Variants in UQCC1 observed in about 807,000 individuals in gnomAD.
The protein encoded by UQCC1 is ubiquinol-cytochrome c reductase complex assembly factor 1.
Under a neutral mutation model 48.0 loss-of-function variants are expected in UQCC1, and 38 were observed. The ratio of observed to expected loss-of-function variants is 0.79; its 90% CI spans 0.61 to 1.04. The LOEUF is 1.04. Ranked by LOEUF, UQCC1 falls within the 50% of genes least tolerant of loss-of-function variation. The pLI is 0.00. For synonymous variants in UQCC1, 111 were observed against 129.2 expected, an observed-to-expected ratio of 0.86 and a Z score of 0.95; for missense variants, 368 against 381.8, an observed-to-expected ratio of 0.96 and a Z score of 0.30.
At chr20:35,374,307 T>A in intron 4 of UQCC1, 51 bp from the exon 5 acceptor site, 1 of 1,382,452 alleles carries the variant, frequency 7.2e-7, no homozygotes, top group Non-Finnish European at 1.0e-6. Context: ...GTGGATGTTC[T>A]ACTTCCATTA....
intron 8 of UQCC1, among the ~76,000 whole-genome samples, chr20:35,314,262 A>C (rs1881702093): frequency 6.6e-6 from 1 of 151,784 alleles, no homozygotes; most frequent in East Asian, 1.9e-4. Context: ...AGTTTTACAA[A>C]CTTTCAAAAT....
intron 8 of UQCC1, 93 bp downstream of exon 8, chr20:35,314,595 C>T: frequency 2.0e-6 from 2 of 1,019,486 alleles, no homozygotes; most frequent in East Asian, 2.4e-5. Context: ...TAGCCAGTAA[C>T]AATGGTCCCT....
Position 35,394,145 on chromosome 20 carries a change from G to T in UQCC1, c.76C>A (p.Pro26Thr). 1 of 1,614,046 alleles carries T rather than the reference G, an allele frequency of 6.2e-7. No individual in the cohort carries two copies. Among genetic ancestry groups the T allele is most frequent in the South Asian group, 1.1e-5 (1 of 91,080 alleles). Residue 26 changes from proline (P) to threonine (T), a missense_variant, in exon 2 of 10, where the codon CCT becomes ACT. By Grantham distance (38) the Pro-to-Thr change is conservative (BLOSUM62 -1). Transcript: ENST00000374385. ...QWVPVCSRLI[P>T]VSPTQGQGDR... ...CCCTGTCCTTGGGTAGGAGACACAG[G>T]TATCAATCGGCTGCATACTGGAACC...
At chr20:35,346,895 T>C in intron 7 of UQCC1, 1 of 1,198,802 alleles carries the variant, frequency 8.3e-7, no homozygotes. Context: ...CCATCCCTCC[T>C]ATCACCACGA....
chr20:35,310,644 CAAA>C (rs1199768843), intron 8 of UQCC1, among the ~76,000 whole-genome samples: 425 of 44,100 alleles, frequency 9.6e-3, no homozygotes, highest in Admixed American at 0.012. Context: ...GACTCTGTCT[CAAA>C]AAAAAAAAAA....
At chr20:35,386,407 G>C (rs1433836743) in intron 2 of UQCC1, 1 of 436,458 alleles carries the variant, frequency 2.3e-6, no homozygotes. Context: ...AGAAAAAATA[G>C]AATTTCTAAT....
chr20:35,310,515 G>A (rs1314717354), intron 8 of UQCC1, among the ~76,000 whole-genome samples: 4 of 151,302 alleles, frequency 2.6e-5, no homozygotes, highest in African/African-American at 7.3e-5. Context: ...GCATGGTGGC[G>A]CCTGCCTCTA....
chr20:35,371,379 C>G (rs1391470810), intron 5 of UQCC1, among the ~76,000 whole-genome samples: 5 of 150,616 alleles, frequency 3.3e-5, no homozygotes, highest in Admixed American at 3.3e-4. Context: ...GCTCTGTCGC[C>G]CAGGCTGGAG....
At chr20:35,374,129 T>TA in intron 5 of UQCC1, 55 bp downstream of exon 5, 2 of 1,440,314 alleles carry the variant, frequency 1.4e-6, no homozygotes, top group Non-Finnish European at 9.7e-7. Context: ...AACACAACCA[T>TA]AAAAATGAAA....
chr20:35,337,412 C>T (rs1291698367), intron 7 of UQCC1, among the ~76,000 whole-genome samples: 2 of 152,128 alleles, frequency 1.3e-5, no homozygotes, highest in Non-Finnish European at 2.9e-5. Flanking sequence ...TGGTCTCAAA[C>T]CCCTGACCTC....
At chr20:35,346,957 C>G in intron 7 of UQCC1, 1 of 1,490,592 alleles carries the variant, frequency 6.7e-7, no homozygotes, top group Admixed American at 2.1e-5. Context: ...ACTGACAAAT[C>G]ACTATAATGT....
chr20:35,398,052 G>T (rs1044222372), intron 1 of UQCC1, among the ~76,000 whole-genome samples: 2 of 152,174 alleles, frequency 1.3e-5, no homozygotes, highest in African/African-American at 4.8e-5. Flanking sequence ...GGCATGGAGA[G>T]GATAAGCAAC....
chr20:35,330,428 T>A (rs2061243806), intron 7 of UQCC1, among the ~76,000 whole-genome samples: 1 of 152,154 alleles, frequency 6.6e-6, no homozygotes, highest in African/African-American at 2.4e-5. Flanking sequence ...GGAGATGGCA[T>A]AAAATAAAAA....
At chr20:35,330,117 G>A (rs2061240325) in intron 7 of UQCC1, among the ~76,000 whole-genome samples, 1 of 152,240 alleles carries the variant, frequency 6.6e-6, no homozygotes, top group South Asian at 2.1e-4. Context: ...ACACTGGAAT[G>A]CTGACCTTAA....
chr20:35,373,629 C>T (rs1303958028), intron 5 of UQCC1, among the ~76,000 whole-genome samples: 1 of 144,158 alleles, frequency 6.9e-6, no homozygotes, highest in East Asian at 2.1e-4. Context: ...GGAGGTTACA[C>T]TGAGCCAAGA....
At chr20:35,313,681 TCAG>T (rs2061020635) in intron 8 of UQCC1, among the ~76,000 whole-genome samples, 1 of 152,144 alleles carries the variant, frequency 6.6e-6, no homozygotes, top group African/African-American at 2.4e-5. Context: ...TGGCGCAATC[TCAG>T]CTCACTGCAG....
At chr20:35,338,203 T>A (rs2061334790) in intron 7 of UQCC1, among the ~76,000 whole-genome samples, 1 of 152,196 alleles carries the variant, frequency 6.6e-6, no homozygotes, top group Admixed American at 6.5e-5. Flanking sequence ...TTAGTCCTGT[T>A]GAGTAGGAAG....
chr20:35,350,755 T>C (rs1020090904), intron 6 of UQCC1, among the ~76,000 whole-genome samples: 5 of 145,966 alleles, frequency 3.4e-5, no homozygotes, highest in South Asian at 2.2e-4. Context: ...ATTCGAAACT[T>C]GTAGGCCAGG....
chr20:35,401,573 G>A (rs2062165364), intron 1 of UQCC1, among the ~76,000 whole-genome samples: 1 of 151,484 alleles, frequency 6.6e-6, no homozygotes, highest in Admixed American at 6.6e-5. Flanking sequence ...TGATTTTGGG[G>A]TTTCAAATAA....
Sources: gnomAD v4.1 joint callset for allele counts (sites outside exome capture counted in the v4.1 genomes callset) on GRCh38, gnomAD v4.1.1 for gene constraint, MANE v1.5 for transcripts, NCBI Gene and HGNC (gene_info 2026-07-23, HGNC 2026-07-21) for gene names.